BICC1: variants seen among roughly 807,000 people sequenced by gnomAD.
The protein encoded by BICC1 is BicC family RNA binding protein 1, also known as protein bicaudal C homolog 1.
BICC1 carries 43 observed loss-of-function variants against 111.0 expected under a neutral mutation model. The observed-to-expected ratio is 0.39, with a 90% CI of 0.30 to 0.50. BICC1 has a LOEUF of 0.50. BICC1 is among the 20% of genes least tolerant of loss of function. BICC1 has a pLI of 0.88. For missense variants in BICC1, 1,091 were observed against 1,203.2 expected (o/e 0.91, Z 1.38); for synonymous variants, 467 against 434.4 (o/e 1.07, Z -0.93).
chr10:58,657,998 T>C (rs1447204403), intron 2 of BICC1, among the ~76,000 whole-genome samples: 1 of 114,900 alleles, frequency 8.7e-6, no homozygotes, highest in Non-Finnish European at 1.8e-5. Context: ...TTAGGAAAAA[T>C]TGTGTCAATC....
intron 3 of BICC1, among the ~76,000 whole-genome samples, chr10:58,749,356 G>A (rs1021304070): frequency 5.9e-5 from 9 of 151,954 alleles, no homozygotes; most frequent in South Asian, 2.1e-4. Flanking sequence ...AAAACTATAC[G>A]CATTATTGTA....
intron 1 of BICC1, among the ~76,000 whole-genome samples, chr10:58,614,348 A>G: frequency 6.6e-6 from 1 of 152,184 alleles, no homozygotes; most frequent in East Asian, 1.9e-4. Flanking sequence ...TGATCTAACC[A>G]ACAACTCATC....
Position 58,789,669 on chromosome 10 carries a change from C to T in BICC1, c.796-13C>T, listed in dbSNP as rs767493651. On this transcript the variant is annotated splice_polypyrimidine_tract_variant and intron_variant, in intron 7 of 20. Coordinates refer to ENST00000373886, the MANE Select transcript of BICC1 (RefSeq NM_001080512.3). ...ATGTATAGGATTATTTCTTTCCCAC[C>T]CTTTTCTCTTAGGAAGGAACTGCCA... 18 of 1,613,658 alleles carry T rather than the reference C, an allele frequency of 1.1e-5. No homozygotes were observed. In the Admixed American group the frequency reaches 2.3e-4, roughly 21 times the overall value.
chr10:58,802,057 T>C (rs78082685), intron 14 of BICC1, among the ~76,000 whole-genome samples: 2,600 of 152,302 alleles, frequency 0.017, 73 homozygotes, highest in African/African-American at 0.059. Flanking sequence ...TGATCTATCC[T>C]TTATTTTGCT....
chr10:58,623,734 A>G (rs1012087422), intron 2 of BICC1, among the ~76,000 whole-genome samples: 1 of 152,114 alleles, frequency 6.6e-6, no homozygotes, highest in Non-Finnish European at 1.5e-5. Flanking sequence ...ACCATGTCCA[A>G]TTGTGTGTTG....
At chr10:58,536,231 C>T (rs1340324728) in intron 1 of BICC1, among the ~76,000 whole-genome samples, 1 of 151,724 alleles carries the variant, frequency 6.6e-6, no homozygotes, top group East Asian at 1.9e-4. Context: ...GAGATATTTA[C>T]AGAACATTCT....
At position 58,515,429 on chromosome 10, in the gene BICC1, A is replaced by G. The variant is rs534969886; in HGVS notation, c.190+2096A>G. ...GTCTATTGCTCCTAGGCTACAAATA[A>G]TGTTACTAGGCTACAAGGCGTGTTA... On this transcript the variant is annotated intron_variant, in intron 1 of 20. Transcript: ENST00000373886. 2.6e-4 allele frequency among the ~76,000 whole-genome samples: 39 copies of G among 152,312 alleles called. 1 individual carries two copies. In the South Asian group the frequency reaches 6.8e-3, roughly 27 times the overall value.
At chr10:58,553,218 T>A (rs1843346378) in intron 1 of BICC1, among the ~76,000 whole-genome samples, 1 of 152,146 alleles carries the variant, frequency 6.6e-6, no homozygotes. Context: ...GGGAATTAGG[T>A]TGCAGATGGC....
rs1271193744 is a variant in BICC1, at chr10:58,786,985, A to T, written c.450A>T (p.Lys150Asn). ...CAGAACATTCACATGTAATCGGCAA[A>T]GGTGGCAACAATATTAAAAAAGTGA... is the stretch of plus-strand genomic sequence containing the variant. ...SHTEHSHVIG[K>N]GGNNIKKVME... The change falls in exon 5 of 21, where the codon AAA becomes AAT. Residue 150 changes from lysine to asparagine, a missense_variant. Lys to Asn is a moderately conservative substitution (Grantham distance 94). Around this residue, in one of 3 missense-constraint regions of BICC1, gnomAD observed 843 missense variants for 900.8 expected, o/e 0.94. Coordinates refer to ENST00000373886, the MANE Select transcript of BICC1 (RefSeq NM_001080512.3). The T allele has an allele frequency of 1.6e-5, 25 of 1,610,338 alleles. No individual in the cohort carries two copies. Among genetic ancestry groups the T allele is most frequent in the Non-Finnish European group, 2.1e-5 (25 of 1,178,658 alleles).
Position 58,806,509 on chromosome 10 carries a change from T to G in BICC1, c.2182-75T>G, listed in dbSNP as rs148823471. 142 of 1,340,376 alleles carry G rather than the reference T, an allele frequency of 1.1e-4. No individual in the cohort carries two copies. In the East Asian group the frequency reaches 3.0e-3, roughly 28 times the overall value. The allele number at this position is 1,340,376 out of a possible 1,614,324, so 83.0% of individuals were successfully genotyped here. A position where few individuals can be genotyped will look rare whatever the true frequency, so the allele number is the denominator to read the frequency against. ...ATTCATGGAACACAGTCAAAACCTTTGTTCTCTAACCATGGAGTGTTGGCA... is the reference window on the plus strand; with the variant it reads ...ATTCATGGAACACAGTCAAAACCTTGGTTCTCTAACCATGGAGTGTTGGCA... On this transcript the variant is annotated intron_variant, in intron 15 of 20. Coordinates refer to ENST00000373886, the MANE Select transcript of BICC1 (RefSeq NM_001080512.3).
intron 2 of BICC1, among the ~76,000 whole-genome samples, chr10:58,662,587 A>G (rs1380134997): frequency 6.6e-6 from 1 of 152,192 alleles, no homozygotes; most frequent in Admixed American, 6.5e-5. Flanking sequence ...TTTTGACTAG[A>G]AACTCTGTCA....
chr10:58,680,961 G>A (rs571259075), intron 2 of BICC1, among the ~76,000 whole-genome samples: 4 of 152,338 alleles, frequency 2.6e-5, no homozygotes, highest in African/African-American at 9.6e-5. Context: ...GGGAAAACTG[G>A]CTAGCCATAT....
At chr10:58,597,105 A>T in intron 1 of BICC1, among the ~76,000 whole-genome samples, 1 of 152,156 alleles carries the variant, frequency 6.6e-6, no homozygotes. Context: ...AGTTCTTTCT[A>T]TTTTCTATAA....
chr10:58,608,244 T>C (rs1845297122), intron 1 of BICC1, among the ~76,000 whole-genome samples: 1 of 152,054 alleles, frequency 6.6e-6, no homozygotes, highest in Non-Finnish European at 1.5e-5. Flanking sequence ...AAACCACCTA[T>C]TTCGGAACAC....
intron 1 of BICC1, among the ~76,000 whole-genome samples, chr10:58,526,923 A>T (rs893803734): frequency 1.3e-5 from 2 of 152,214 alleles, no homozygotes; most frequent in Non-Finnish European, 2.9e-5. Context: ...CATGATTTAT[A>T]ATCCTTTGGG....
At chr10:58,782,235 T>C (rs1158352459) in intron 3 of BICC1, among the ~76,000 whole-genome samples, 1 of 152,200 alleles carries the variant, frequency 6.6e-6, no homozygotes, top group African/African-American at 2.4e-5. Flanking sequence ...AGGCTCCCTG[T>C]CCCTCTATGT....
intron 3 of BICC1, among the ~76,000 whole-genome samples, chr10:58,755,250 G>A (rs918032442): frequency 6.6e-6 from 1 of 152,050 alleles, no homozygotes; most frequent in Non-Finnish European, 1.5e-5. Flanking sequence ...AATTTTAACT[G>A]CCAGGGCCCA....
intron 1 of BICC1, among the ~76,000 whole-genome samples, chr10:58,553,974 C>T (rs1400588328): frequency 6.6e-6 from 1 of 152,098 alleles, no homozygotes; most frequent in African/African-American, 2.4e-5. Context: ...GAACTAAAAA[C>T]ATTGAATAAC....
In BICC1 at chr10:58,796,510, T is replaced by C. The variant is rs111551181; in HGVS notation, c.1350T>C (p.Leu450=). ...PSLDILASAG[L]GLTGLGLLGP... ...TGGATATCTTAGCTTCAGCAGGCCTTGGACTCACTGGACTAGGTATACAAT... is the reference window on the plus strand; with the variant it reads ...TGGATATCTTAGCTTCAGCAGGCCTCGGACTCACTGGACTAGGTATACAAT... The change falls in exon 10 of 21, where the codon CTT becomes CTC. Residue 450 remains leucine, a synonymous_variant. Transcript: ENST00000373886. 9 of 1,613,478 alleles carry C rather than the reference T, an allele frequency of 5.6e-6. No homozygotes were observed. Among genetic ancestry groups the C allele is most frequent in the African/African-American group, 4.0e-5 (3 of 75,014 alleles).
Sources: allele counts gnomAD v4.1 joint callset (sites outside exome capture counted in the v4.1 genomes callset), GRCh38; gene constraint gnomAD v4.1.1; regional missense constraint gnomAD v4.1.1; transcripts MANE v1.5; gene names NCBI Gene and HGNC (gene_info 2026-07-23, HGNC 2026-07-21).